IARS1: variants seen among roughly 807,000 people sequenced by gnomAD.
IARS1 encodes the protein isoleucine--tRNA ligase, cytoplasmic.
Under a neutral mutation model 168.2 loss-of-function variants are expected in IARS1, and 124 were observed. The observed-to-expected ratio is 0.74, with a 90% CI of 0.64 to 0.86. IARS1 has a LOEUF of 0.86. Ranked by LOEUF, IARS1 falls within the 40% of genes least tolerant of loss-of-function variation. The pLI, the probability that IARS1 is intolerant of heterozygous loss-of-function variation, is 0.00. For synonymous variants in IARS1, 532 were observed against 529.4 expected (o/e 1.00, Z -0.07); for missense variants, 1,452 against 1,515.8 (o/e 0.96, Z 0.70).
At position 92,223,391 on chromosome 9, in the gene IARS1, G is replaced by C. The variant is rs1564156791; in HGVS notation, c.3508C>G (p.Leu1170Val). 5.6e-6 allele frequency: 9 copies of C among 1,613,912 alleles called. No homozygotes were observed. In the South Asian group the frequency reaches 9.9e-5, roughly 18 times the overall value. ...AGCTGTAGGTTGATATACTGACAAAGAAGAGTACTAGAACTGTTGATCAGA... is the reference window on the plus strand; with the variant it reads ...AGCTGTAGGTTGATATACTGACAAACAAGAGTACTAGAACTGTTGATCAGA... ...PSLINSSSTL[L>V]CQYINLQLLN... The change falls in exon 32 of 34, where the codon CTT becomes GTT. Residue 1170 changes from leucine to valine, a missense_variant. Coordinates refer to ENST00000443024, the MANE Select transcript of IARS1 (RefSeq NM_002161.6).
chr9:92,240,565 T>A lies in IARS1; in HGVS notation c.3283+291A>T, dbSNP rs911085317. ...GTGAGCTACCATGCCTGGCCCTTTT[T>A]TTTTTTTTAATTGAGGCAGGATCTT... On this transcript the variant is annotated intron_variant, in intron 30 of 33. Transcript: ENST00000443024. 4.0e-5 allele frequency: 26 copies of A among 644,994 alleles called. No individual in the cohort carries two copies. The East Asian group carries it at 6.3e-4, about 16-fold the overall frequency. The allele number at this position is 644,994 out of a possible 1,614,324, so 40.0% of individuals were successfully genotyped here.
Position 92,253,379 on chromosome 9 carries a change from T to C in IARS1, c.2212A>G (p.Asn738Asp). The change falls in exon 21 of 34, where the codon AAC becomes GAC. Residue 738 changes from asparagine (N) to aspartate (D), a missense_variant. Coordinates refer to ENST00000443024, the MANE Select transcript of IARS1 (RefSeq NM_002161.6). The stretch of plus-strand genomic sequence containing the variant: ...GCACTTACCTTTAATCTTCTGCGGT[T>C]CATTCTAACATACCAATTGGTCAGA... ...DILTNWYVRM[N>D]RRRLKGENGM... The C allele has an allele frequency of 6.2e-7, 1 of 1,612,558 alleles. No homozygotes were observed. Among genetic ancestry groups the C allele is most frequent in the Non-Finnish European group, 8.5e-7 (1 of 1,178,590 alleles).
At position 92,277,876 on chromosome 9, in the gene IARS1, TC is replaced by T; in HGVS notation, c.880del (p.Asp294ThrfsTer4). On this transcript the variant is annotated frameshift_variant, in exon 9 of 34. Coordinates refer to ENST00000443024, the MANE Select transcript of IARS1 (RefSeq NM_002161.6). LOFTEE classifies it high-confidence loss of function. Reference sequence around the variant, plus strand: ...CCCTAAGCTTACCTTCAGGAAATAGTCAAACAGGGGCCTGTACTTCTTGCCT... The same window carrying T: ...CCCTAAGCTTACCTTCAGGAAATAGTAAACAGGGGCCTGTACTTCTTGCCT... ...LKGKKYRPLFDYFLKCKENGA... is the reference protein window; with the variant it reads ...LKGKKYRPLFXYFLKCKENGA... 6.2e-7 allele frequency: 1 copy of T among 1,613,738 alleles called. No homozygotes were observed. The highest frequency in any genetic ancestry group is 8.5e-7 in the Non-Finnish European group (1 of 1,179,850).
At chr9:92,220,831 G>A (rs891948020) in intron 33 of IARS1, among the ~76,000 whole-genome samples, 1 of 152,100 alleles carries the variant, frequency 6.6e-6, no homozygotes, top group Non-Finnish European at 1.5e-5. Context: ...GCTGGGCATG[G>A]TGGCGCGTGC....
intron 33 of IARS1, among the ~76,000 whole-genome samples, chr9:92,220,170 A>G (rs1464924517): frequency 6.7e-6 from 1 of 148,946 alleles, no homozygotes; most frequent in East Asian, 2.0e-4. Context: ...TCGCAAGAAC[A>G]AAAAACCAAA....
chr9:92,264,954 C>T lies in IARS1; in HGVS notation c.1675G>A (p.Glu559Lys), dbSNP rs757340440. ...CATCCTCTGGTTTGGTCGATGCCCT[C>T]GGCAATGAAATCTGCAGGAAAAGCA... ...EDAFPADFIA[E>K]GIDQTRGWFY... Residue 559 changes from glutamate (E) to lysine (K), a missense_variant, in exon 16 of 34, where the codon GAG becomes AAG. By Grantham distance (56) the Glu-to-Lys change is moderately conservative. Transcript: ENST00000443024. 6 of 1,613,926 alleles carry T rather than the reference C, an allele frequency of 3.7e-6. No homozygotes were observed. The highest frequency in any genetic ancestry group is 2.2e-5 in the East Asian group (1 of 44,878).
Position 92,256,699 on chromosome 9 carries a change from GA to G in IARS1, c.2117del (p.Phe706SerfsTer22). 6.2e-7 allele frequency: 1 copy of G among 1,613,510 alleles called. No homozygotes were observed. The highest frequency in any genetic ancestry group is 1.1e-5 in the South Asian group (1 of 90,958). On this transcript the variant is annotated frameshift_variant, in exon 20 of 34. Coordinates refer to ENST00000443024, the MANE Select transcript of IARS1 (RefSeq NM_002161.6). LOFTEE classifies it high-confidence loss of function. Reference protein sequence around the residue: ...ILSFMQSLIGFFETEMAAYRL... With the variant: ...ILSFMQSLIGXFETEMAAYRL... Reference sequence around the variant, plus strand: ...ACTCACCTGCCATTTCAGTCTCAAAGAAGCCAATGAGAGACTGCATGAAGGA... The same window carrying G: ...ACTCACCTGCCATTTCAGTCTCAAAGAGCCAATGAGAGACTGCATGAAGGA...
intron 4 of IARS1, 124 bp downstream of exon 4, chr9:92,287,667 G>T: frequency 9.6e-7 from 1 of 1,045,558 alleles, no homozygotes; most frequent in Non-Finnish European, 1.4e-6. Context: ...GGTTGAAGGT[G>T]GAAGCTAACA....
intron 4 of IARS1, among the ~76,000 whole-genome samples, chr9:92,287,037 C>T (rs1835569568): frequency 6.6e-6 from 1 of 152,166 alleles, no homozygotes; most frequent in African/African-American, 2.4e-5. Flanking sequence ...AGAAAGCTGA[C>T]AGCACTTTAA....
chr9:92,229,368 C>CACT (rs200369730), intron 30 of IARS1, among the ~76,000 whole-genome samples: 143 of 131,158 alleles, frequency 1.1e-3, no homozygotes, highest in Admixed American at 5.3e-3. Context: ...TACACACACA[C>CACT]ACACACACAC....
chr9:92,269,830 T>C (rs912362384), intron 13 of IARS1, 55 bp downstream of exon 13: 2 of 1,188,482 alleles, frequency 1.7e-6, no homozygotes, highest in Non-Finnish European at 2.5e-6. Context: ...GTGTAAACCA[T>C]ACTTACTAAC....
At chr9:92,271,766 C>T in intron 10 of IARS1, 111 bp from the exon 11 acceptor site, 1 of 1,198,476 alleles carries the variant, frequency 8.3e-7, no homozygotes, top group Non-Finnish European at 1.2e-6. Flanking sequence ...TACATTTCAT[C>T]AACTTTGTCC....
At chr9:92,267,966 T>C (rs1028468499) in intron 14 of IARS1, among the ~76,000 whole-genome samples, 1 of 152,202 alleles carries the variant, frequency 6.6e-6, no homozygotes, top group African/African-American at 2.4e-5. Context: ...GAAAGTTTTA[T>C]AAATTGTATT....
intron 30 of IARS1, among the ~76,000 whole-genome samples, chr9:92,234,694 C>T (rs1216721570): frequency 2.6e-5 from 4 of 152,220 alleles, no homozygotes; most frequent in Admixed American, 2.6e-4. Context: ...TGCCATACAA[C>T]ATCACTGAAG....
At chr9:92,271,676 G>A in intron 10 of IARS1, 21 bp from the exon 11 acceptor site, 2 of 1,613,568 alleles carry the variant, frequency 1.2e-6, no homozygotes, top group Non-Finnish European at 1.7e-6. Flanking sequence ...GCAAAAGAGA[G>A]GGAAGAATAA....
At chr9:92,214,751 C>A (rs1215480720) in intron 33 of IARS1, among the ~76,000 whole-genome samples, 1 of 152,258 alleles carries the variant, frequency 6.6e-6, no homozygotes, top group African/African-American at 2.4e-5. Flanking sequence ...TTATACCCCG[C>A]ACCTAGCTCG....
intron 31 of IARS1, 84 bp downstream of exon 31, chr9:92,228,917 G>A (rs2133468688): frequency 6.6e-7 from 1 of 1,526,414 alleles, no homozygotes; most frequent in Non-Finnish European, 9.0e-7. Context: ...TGCAAAAGTT[G>A]TATAGTACAA....
At chr9:92,277,783 C>A (rs185538100) in intron 9 of IARS1, 80 bp downstream of exon 9, 168 of 1,171,752 alleles carry the variant, frequency 1.4e-4, no homozygotes, top group Non-Finnish European at 2.0e-4. Context: ...AAAGTAATGT[C>A]AATTCCACTT....
rs1255208202 is a variant in IARS1, at chr9:92,288,229, T to C, written c.173A>G (p.His58Arg). Reference protein sequence around the residue: ...PFATGLPHYGHILAGTIKDIV... With the variant: ...PFATGLPHYGRILAGTIKDIV... ...ATCTTTAATTGTACCCGCAAGTATA[T>C]GTCCATAGTGAGGCAGTCCAGTTGC... The change falls in exon 3 of 34, where the codon CAT becomes CGT. Residue 58 changes from histidine (H) to arginine (R), a missense_variant. Physicochemically the swap from His to Arg is conservative, Grantham distance 29. Coordinates refer to ENST00000443024, the MANE Select transcript of IARS1 (RefSeq NM_002161.6). 6.2e-7 allele frequency: 1 copy of C among 1,614,032 alleles called. No homozygotes were observed. The highest frequency in any genetic ancestry group is 1.3e-5 in the African/African-American group (1 of 75,048).
Sources: allele counts gnomAD v4.1 joint callset (sites outside exome capture counted in the v4.1 genomes callset), GRCh38; gene constraint gnomAD v4.1.1; transcripts MANE v1.5; gene names NCBI Gene and HGNC (gene_info 2026-07-23, HGNC 2026-07-21).